The following ADGRV1 variants were observed in gnomAD, a reference collection of about 807,000 sequenced individuals.
ADGRV1 encodes G-protein coupled receptor 98.
ADGRV1 carries 359 observed loss-of-function variants against 596.2 expected under a neutral mutation model. The ratio of observed to expected loss-of-function variants is 0.60; its 90% CI spans 0.55 to 0.66. The LOEUF (loss-of-function observed/expected upper bound fraction) is 0.66. Ranked by LOEUF, ADGRV1 falls within the 30% of genes least tolerant of loss-of-function variation. The probability of loss-of-function intolerance (pLI) is 0.00; values close to 1 mark genes in which losing one functional copy is unlikely to be tolerated. For missense variants in ADGRV1, 7,274 were observed against 7,575.6 expected, an observed-to-expected ratio of 0.96 and a Z score of 1.48; for synonymous variants, 2,681 against 2,679.2, an observed-to-expected ratio of 1.00 and a Z score of -0.02.
intron 86 of ADGRV1, among the ~76,000 whole-genome samples, chr5:91,101,704 T>C (rs1791389165): frequency 6.6e-6 from 1 of 152,164 alleles, no homozygotes; most frequent in African/African-American, 2.4e-5. Context: ...TCTTTGCTCT[T>C]AAACTTACCA....
intron 83 of ADGRV1, among the ~76,000 whole-genome samples, chr5:90,892,341 A>G (rs1266410398): frequency 1.3e-5 from 2 of 152,110 alleles, no homozygotes; most frequent in Non-Finnish European, 2.9e-5. Flanking sequence ...TTTCATTGAT[A>G]TGAAGATAGA....
chr5:91,037,673 G>A (rs1785022044), intron 85 of ADGRV1, among the ~76,000 whole-genome samples: 1 of 152,202 alleles, frequency 6.6e-6, no homozygotes, highest in Non-Finnish European at 1.5e-5. Context: ...AGTTTCACCA[G>A]AAGAAATGAA....
intron 83 of ADGRV1, among the ~76,000 whole-genome samples, chr5:90,874,296 C>T (rs536864011): frequency 1.3e-5 from 2 of 152,272 alleles, no homozygotes; most frequent in Admixed American, 1.3e-4. Flanking sequence ...TCCGTATTTC[C>T]ATTTATACAG....
intron 1 of ADGRV1, among the ~76,000 whole-genome samples, chr5:90,577,668 C>G (rs1438988896): frequency 6.6e-6 from 1 of 152,134 alleles, no homozygotes; most frequent in Admixed American, 6.5e-5. Flanking sequence ...TCAGTGGTAG[C>G]TTGATGGGGA....
intron 83 of ADGRV1, among the ~76,000 whole-genome samples, chr5:90,906,990 C>T (rs564957440): frequency 6.6e-5 from 10 of 152,228 alleles, no homozygotes; most frequent in South Asian, 6.2e-4. Flanking sequence ...AGGTGGCTTC[C>T]GTTTACGGTC....
intron 81 of ADGRV1, among the ~76,000 whole-genome samples, chr5:90,854,758 A>G (rs1317468343): frequency 1.3e-5 from 2 of 152,204 alleles, no homozygotes; most frequent in African/African-American, 4.8e-5. Flanking sequence ...CTGCAGGATC[A>G]GGCAGTGCTG....
At chr5:90,587,512 A>G (rs1454030809) in intron 1 of ADGRV1, among the ~76,000 whole-genome samples, 1 of 150,706 alleles carries the variant, frequency 6.6e-6, no homozygotes, top group Middle Eastern at 3.2e-3. Context: ...GAAACTTTAC[A>G]TGATTTCTTT....
At chr5:90,733,998 A>G (rs1429117960) in intron 50 of ADGRV1, among the ~76,000 whole-genome samples, 1 of 152,130 alleles carries the variant, frequency 6.6e-6, no homozygotes, top group Admixed American at 6.6e-5. Flanking sequence ...AAGATTCCGC[A>G]ACTAGTGAGA....
chr5:90,652,265 A>G (rs1768741459), intron 18 of ADGRV1, 81 bp from the exon 19 acceptor site: 1 of 1,017,606 alleles, frequency 9.8e-7, no homozygotes, highest in South Asian at 2.3e-5. Context: ...AGATAGTAAA[A>G]ATATGTTTCC....
intron 85 of ADGRV1, among the ~76,000 whole-genome samples, chr5:91,009,732 A>G (rs951837204): frequency 6.6e-6 from 1 of 152,124 alleles, no homozygotes; most frequent in Non-Finnish European, 1.5e-5. Flanking sequence ...GTCATGAACC[A>G]AAGTTATATA....
intron 59 of ADGRV1, among the ~76,000 whole-genome samples, chr5:90,771,117 G>A (rs1331624401): frequency 1.3e-5 from 2 of 151,926 alleles, no homozygotes; most frequent in African/African-American, 4.8e-5. Context: ...ATCTTTCTGG[G>A]ATTCACATTT....
chr5:90,937,534 T>G lies in ADGRV1; in HGVS notation c.17857-27881T>G, dbSNP rs577960622. Among the ~76,000 whole-genome samples, 3 of 149,518 alleles carry G rather than the reference T, an allele frequency of 2.0e-5. 1 individual carries two copies. The highest frequency in any genetic ancestry group is 4.4e-5 in the Non-Finnish European group (3 of 67,696). On this transcript the variant is annotated intron_variant, in intron 83 of 89. Transcript: ENST00000405460. ...GTGCAGTGGCGTGATCGCGGCTCAC[T>G]GCAAGCTCCGCCTCCCGGGTTCACG...
chr5:90,868,144 G>A (rs1289552865), intron 83 of ADGRV1, among the ~76,000 whole-genome samples: 2 of 152,034 alleles, frequency 1.3e-5, no homozygotes, highest in East Asian at 1.9e-4. Flanking sequence ...GTTAAGTAAG[G>A]TATTAGATTA....
intron 85 of ADGRV1, among the ~76,000 whole-genome samples, chr5:91,043,353 A>C (rs188831650): frequency 1.3e-5 from 2 of 152,128 alleles, no homozygotes; most frequent in Non-Finnish European, 2.9e-5. Context: ...TAAAAAACCT[A>C]ATATTCTTAT....
intron 76 of ADGRV1, chr5:90,825,686 A>C (rs2150310517): frequency 6.6e-6 from 1 of 152,306 alleles, no homozygotes; most frequent in East Asian, 1.9e-4. Flanking sequence ...GTTAAAGTAT[A>C]GGTGGGGTTA....
chr5:90,760,557 G>A (rs1415961300), intron 58 of ADGRV1, among the ~76,000 whole-genome samples: 1 of 152,148 alleles, frequency 6.6e-6, no homozygotes, highest in Non-Finnish European at 1.5e-5. Flanking sequence ...ATTCTGTCAT[G>A]GGTCTGGGTG....
intron 83 of ADGRV1, among the ~76,000 whole-genome samples, chr5:90,883,492 T>C (rs1190702745): frequency 6.6e-6 from 1 of 152,188 alleles, no homozygotes; most frequent in Non-Finnish European, 1.5e-5. Context: ...AAATAATGAT[T>C]CTCTTGCAAA....
rs1561783623 is a variant in ADGRV1 at position 90,811,299 on chromosome 5, GA to G, written c.16040del (p.Asp5347ValfsTer22). ...GGAQIVEEKD[D>X]TGFAAFAMVI... ...AGCACAGATTGTGGAGGAGAAGGAT[GA>G]TACTGGATTTGCAGCTTTTGCCATG... is the stretch of plus-strand genomic sequence containing the variant. On this transcript the variant is annotated frameshift_variant, in exon 74 of 90. Coordinates refer to ENST00000405460, the MANE Select transcript of ADGRV1 (RefSeq NM_032119.4). LOFTEE classifies it high-confidence loss of function. The G allele has an allele frequency of 1.2e-6, 2 of 1,610,330 alleles. No homozygotes were observed. Among genetic ancestry groups the G allele is most frequent in the Non-Finnish European group, 1.7e-6 (2 of 1,178,322 alleles).
intron 5 of ADGRV1, among the ~76,000 whole-genome samples, chr5:90,624,729 C>T (rs530501997): frequency 1.1e-3 from 163 of 152,300 alleles, no homozygotes; most frequent in Admixed American, 3.0e-3. Context: ...GAGTACTCAA[C>T]AAATGCTTTT....
Sources: gnomAD v4.1 joint callset for allele counts (sites outside exome capture counted in the v4.1 genomes callset) on GRCh38, gnomAD v4.1.1 for gene constraint, MANE v1.5 for transcripts, NCBI Gene and HGNC (gene_info 2026-07-23, HGNC 2026-07-21) for gene names.